The following RBM26 variants were observed in gnomAD, a reference collection of about 807,000 sequenced individuals.
RBM26 encodes RNA-binding protein 26.
In RBM26, 30 loss-of-function variants were observed where a neutral mutation model predicts 123.6. That is an observed-to-expected ratio of 0.24 (90% CI 0.18 to 0.33). RBM26 has a LOEUF of 0.33. Ranked by LOEUF, RBM26 falls within the 10% of genes least tolerant of loss-of-function variation. The pLI is 1.00. For synonymous variants in RBM26, 400 were observed against 404.4 expected, an observed-to-expected ratio of 0.99 and a Z score of 0.13; for missense variants, 947 against 1,203.6, an observed-to-expected ratio of 0.79 and a Z score of 3.15.
intron 19 of RBM26, among the ~76,000 whole-genome samples, chr13:79,334,952 T>G (rs965000787): frequency 2.0e-5 from 3 of 152,158 alleles, no homozygotes; most frequent in Non-Finnish European, 1.5e-5. Flanking sequence ...ACCATGGTTT[T>G]GCTTACTACA....
intron 1 of RBM26, among the ~76,000 whole-genome samples, chr13:79,392,442 T>C (rs1427923684): frequency 6.8e-6 from 1 of 146,336 alleles, no homozygotes; most frequent in African/African-American, 2.5e-5. Flanking sequence ...TTATATACAA[T>C]AATTATGTAA....
chr13:79,327,285 G>A (rs777294206), intron 20 of RBM26, among the ~76,000 whole-genome samples: 19 of 107,170 alleles, frequency 1.8e-4, no homozygotes, highest in Non-Finnish European at 3.1e-4. Context: ...GACAGAATGA[G>A]AACCTGTCTC....
At chr13:79,321,872 C>T (rs1297810870) in intron 21 of RBM26, among the ~76,000 whole-genome samples, 2 of 151,296 alleles carry the variant, frequency 1.3e-5, no homozygotes, top group Non-Finnish European at 3.0e-5. Context: ...GCCACCACCC[C>T]CCTTTTCAGA....
intron 16 of RBM26, among the ~76,000 whole-genome samples, chr13:79,343,448 T>C (rs1025140316): frequency 1.2e-4 from 18 of 151,942 alleles, no homozygotes; most frequent in African/African-American, 4.3e-4. Context: ...ATTGTGATTT[T>C]TCTTAATCAA....
intron 20 of RBM26, among the ~76,000 whole-genome samples, chr13:79,332,821 C>T (rs1033723960): frequency 3.9e-5 from 6 of 151,962 alleles, no homozygotes; most frequent in African/African-American, 1.2e-4. Context: ...AAAGAAGGTA[C>T]GTGTCAAAAG....
intron 20 of RBM26, among the ~76,000 whole-genome samples, chr13:79,328,683 T>TAAA (rs747906560): frequency 0.034 from 1,292 of 38,412 alleles, 66 homozygotes; most frequent in African/African-American, 0.091. Context: ...CTGCATTAAG[T>TAAA]AAAAAAAAAA....
intron 20 of RBM26, among the ~76,000 whole-genome samples, chr13:79,329,696 T>C (rs2068991338): frequency 6.6e-6 from 1 of 152,194 alleles, no homozygotes. Context: ...TATGAATTTA[T>C]GACTGCATAA....
At chr13:79,385,792 T>C (rs1363801163) in intron 1 of RBM26, among the ~76,000 whole-genome samples, 2 of 152,140 alleles carry the variant, frequency 1.3e-5, no homozygotes, top group Non-Finnish European at 2.9e-5. Flanking sequence ...TGGGGCTGGC[T>C]TTTTTTCTGA....
At chr13:79,384,015 G>A (rs1272569688) in intron 1 of RBM26, among the ~76,000 whole-genome samples, 4 of 152,108 alleles carry the variant, frequency 2.6e-5, no homozygotes, top group East Asian at 3.9e-4. Flanking sequence ...TGACCTTCTT[G>A]ACACATATGA....
In RBM26 at chr13:79,344,572, T is replaced by C. The variant is rs139095709; in HGVS notation, c.2184+97A>G. The C allele has an allele frequency of 4.0e-4, 450 of 1,133,582 alleles. 1 individual carries two copies. The African/African-American group carries it at 6.1e-3, about 15-fold the overall frequency. The allele number at this position is 1,133,582 out of a possible 1,614,324, so 70.2% of individuals were successfully genotyped here. A position where few individuals can be genotyped will look rare whatever the true frequency, so the allele number is the denominator to read the frequency against. On this transcript the variant is annotated intron_variant, in intron 15 of 21. Transcript: ENST00000438737. ...GTTCAGTGGCAGCCAACAAACACCCTTGTAGTCTTATTTTGCAATAAGCAC... is the reference window on the plus strand; with the variant it reads ...GTTCAGTGGCAGCCAACAAACACCCCTGTAGTCTTATTTTGCAATAAGCAC...
At chr13:79,344,573 TGTA>T in intron 15 of RBM26, 93 bp downstream of exon 15, 1 of 1,135,376 alleles carries the variant, frequency 8.8e-7, no homozygotes, top group Non-Finnish European at 1.3e-6. Flanking sequence ...CAAACACCCT[TGTA>T]GTCTTATTTT....
rs1449669647 is a variant in RBM26 at position 79,320,557 on chromosome 13, C to T, written c.*64G>A. ...TTGTTTTTACAAATATGTAAAAGTACATTAGATAATACTAATGAAACACAG... is the reference window on the plus strand; with the variant it reads ...TTGTTTTTACAAATATGTAAAAGTATATTAGATAATACTAATGAAACACAG... On this transcript the variant is annotated 3_prime_UTR_variant, in exon 22 of 22. Transcript: ENST00000438737. 2 of 1,402,990 alleles carry T rather than the reference C, an allele frequency of 1.4e-6. No individual in the cohort carries two copies. The highest frequency in any genetic ancestry group is 3.5e-5 in the South Asian group (2 of 56,404). The allele number at this position is 1,402,990 out of a possible 1,614,324, so 86.9% of individuals were successfully genotyped here. A position where few individuals can be genotyped will look rare whatever the true frequency, so the allele number is the denominator to read the frequency against.
At chr13:79,343,453 A>C (rs1049506663) in intron 16 of RBM26, among the ~76,000 whole-genome samples, 2 of 151,896 alleles carry the variant, frequency 1.3e-5, no homozygotes, top group Non-Finnish European at 2.9e-5. Flanking sequence ...GATTTTTCTT[A>C]ATCAAGTATA....
At chr13:79,339,018 T>C (rs1302776810) in intron 18 of RBM26, among the ~76,000 whole-genome samples, 4 of 152,176 alleles carry the variant, frequency 2.6e-5, no homozygotes, top group Non-Finnish European at 5.9e-5. Context: ...GATACCCAAA[T>C]GGAAGTGTGA....
chr13:79,399,749 C>T (rs2078902970), intron 1 of RBM26, among the ~76,000 whole-genome samples: 1 of 151,936 alleles, frequency 6.6e-6, no homozygotes, highest in Admixed American at 6.6e-5. Context: ...GAGTGTGAGC[C>T]CCCTACTAAG....
intron 1 of RBM26, among the ~76,000 whole-genome samples, chr13:79,399,741 G>GT (rs1304505270): frequency 2.0e-5 from 3 of 152,096 alleles, no homozygotes; most frequent in Non-Finnish European, 4.4e-5. Flanking sequence ...TAGATACGGA[G>GT]TGTGAGCCCC....
At chr13:79,329,727 AATATGAACCTTATCTAGATCCTT>A (rs2138677856) in intron 20 of RBM26, among the ~76,000 whole-genome samples, 1 of 152,302 alleles carries the variant, frequency 6.6e-6, no homozygotes, top group Non-Finnish European at 1.5e-5. Context: ...GCTATATCAA[AATATGAACCTTATCTAGATCCTT>A]ATTTTTAAAA....
chr13:79,375,181 T>A (rs113684941), intron 3 of RBM26, among the ~76,000 whole-genome samples: 5,886 of 116,388 alleles, frequency 0.051, 158 homozygotes, highest in African/African-American at 0.093. Flanking sequence ...ATATATATAT[T>A]TTTTTTTTGA....
At chr13:79,402,752 C>T (rs1195274099) in intron 1 of RBM26, among the ~76,000 whole-genome samples, 4 of 152,152 alleles carry the variant, frequency 2.6e-5, no homozygotes, top group African/African-American at 9.7e-5. Flanking sequence ...TCCTTCCAAG[C>T]TGAGATAAAC....
Sources: allele counts gnomAD v4.1 joint callset (sites outside exome capture counted in the v4.1 genomes callset), GRCh38; gene constraint gnomAD v4.1.1; transcripts MANE v1.5; gene names NCBI Gene and HGNC (gene_info 2026-07-23, HGNC 2026-07-21).